THRAP3: variants seen among roughly 807,000 people sequenced by gnomAD.
THRAP3 encodes thyroid hormone receptor associated protein 3.
Under a neutral mutation model 101.0 loss-of-function variants are expected in THRAP3, and 16 were observed. The observed-to-expected ratio is 0.16, with a 90% confidence interval of 0.11 to 0.24. The LOEUF (loss-of-function observed/expected upper bound fraction) is 0.24. Ranked by LOEUF, THRAP3 falls within the 10% of genes least tolerant of loss-of-function variation. The pLI, the probability that THRAP3 is intolerant of heterozygous loss-of-function variation, is 1.00. For synonymous variants in THRAP3, 407 were observed against 422.6 expected, an observed-to-expected ratio of 0.96 and a Z score of 0.45; for missense variants, 989 against 1,202.7, an observed-to-expected ratio of 0.82 and a Z score of 2.63.
At chr1:36,293,388 G>T (rs543568694) in intron 7 of THRAP3, among the ~76,000 whole-genome samples, 2 of 152,296 alleles carry the variant, frequency 1.3e-5, no homozygotes, top group African/African-American at 4.8e-5. Flanking sequence ...TTAATCATGG[G>T]TAGTTGGATT....
chr1:36,244,419 C>T (rs1645206595), intron 1 of THRAP3, among the ~76,000 whole-genome samples: 1 of 152,152 alleles, frequency 6.6e-6, no homozygotes, highest in Non-Finnish European at 1.5e-5. Context: ...TTCATGGATT[C>T]TCCAGCATGA....
chr1:36,271,823 A>C lies in THRAP3; in HGVS notation c.-31-10710A>C, dbSNP rs193159709. Among the ~76,000 whole-genome samples, 944 of 149,664 alleles carry C rather than the reference A, an allele frequency of 6.3e-3. 11 individuals carry two copies. Among genetic ancestry groups the C allele is most frequent in the African/African-American group, 0.022 (895 of 40,516 alleles). ...TGGTCAGGCTGGTCTTGAACTCCCAACCTCAGGTGATCAGCCCGCCTCGGC... is the reference window on the plus strand; with the variant it reads ...TGGTCAGGCTGGTCTTGAACTCCCACCCTCAGGTGATCAGCCCGCCTCGGC... On this transcript the variant is annotated intron_variant, in intron 2 of 11. Transcript: ENST00000354618.
At chr1:36,223,110 T>C (rs1001588278), upstream of THRAP3, among the ~76,000 whole-genome samples, 15 of 151,836 alleles carry the variant, frequency 9.9e-5, no homozygotes, top group African/African-American at 3.4e-4. Context: ...CTGGGCGACA[T>C]AGGGAGAATC....
chr1:36,289,732 C>A lies in THRAP3; in HGVS notation c.1713C>A (p.Val571=). ...FSITREAQVN[V]RMDSFDEDLA... ...TTACTCGAGAGGCACAGGTCAATGT[C>A]CGGATGGACTCTTTTGATGAGGACC... Residue 571 remains valine (V), a synonymous_variant, in exon 5 of 12, where the codon GTC becomes GTA. Coordinates refer to ENST00000354618, the MANE Select transcript of THRAP3 (RefSeq NM_005119.4). The A allele has an allele frequency of 6.2e-7, 1 of 1,612,030 alleles. No homozygotes were observed. Among genetic ancestry groups the A allele is most frequent in the South Asian group, 1.1e-5 (1 of 90,832 alleles).
chr1:36,215,769 G>C, the THRAP3 span, among the ~76,000 whole-genome samples: 28 of 146,736 alleles, frequency 1.9e-4, no homozygotes, highest in Admixed American at 8.1e-4. Context: ...TTTTTTTTGA[G>C]ACAGAGTTTT....
intron 1 of THRAP3, among the ~76,000 whole-genome samples, chr1:36,246,218 T>C (rs1045953732): frequency 6.6e-6 from 1 of 152,126 alleles, no homozygotes; most frequent in African/African-American, 2.4e-5. Flanking sequence ...ATAAACAGTA[T>C]TATATCTGTG....
upstream of THRAP3, among the ~76,000 whole-genome samples, chr1:36,220,847 C>T (rs889469861): frequency 6.0e-5 from 9 of 149,928 alleles, no homozygotes; most frequent in African/African-American, 2.2e-4. Context: ...CTCAGCTACT[C>T]GGGAGACTGA....
At chr1:36,245,357 C>T (rs576512381) in intron 1 of THRAP3, among the ~76,000 whole-genome samples, 6 of 151,886 alleles carry the variant, frequency 4.0e-5, no homozygotes, top group Non-Finnish European at 5.9e-5. Flanking sequence ...TTAGTAGAGA[C>T]GGGGTTTCAC....
rs1317039150 is a variant in THRAP3 at position 36,289,101 on chromosome 1, A to G, written c.1082A>G (p.Glu361Gly). The G allele has an allele frequency of 1.9e-6, 3 of 1,606,758 alleles. No individual in the cohort carries two copies. The highest frequency in any genetic ancestry group is 2.5e-6 in the Non-Finnish European group (3 of 1,178,104). The change falls in exon 5 of 12, where the codon GAA becomes GGA. Residue 361 changes from glutamate to glycine, a missense_variant. Physicochemically the swap from Glu to Gly is moderately conservative, Grantham distance 98. Transcript: ENST00000354618. ...AAGACAGAGAATGGAAAAGATAAGG[A>G]ACAGAAACAAACAAATACCGATAAA... Reference protein sequence around the residue: ...EQKTENGKDKEQKQTNTDKEK... With the variant: ...EQKTENGKDKGQKQTNTDKEK...
chr1:36,280,171 C>T (rs1211328147), intron 2 of THRAP3, among the ~76,000 whole-genome samples: 2 of 152,152 alleles, frequency 1.3e-5, no homozygotes, highest in Admixed American at 6.5e-5. Flanking sequence ...GGCAGTATGA[C>T]CTTGGGCAAG....
chr1:36,254,606 G>A (rs966475989), intron 1 of THRAP3, among the ~76,000 whole-genome samples: 8 of 152,194 alleles, frequency 5.3e-5, no homozygotes, highest in Non-Finnish European at 1.2e-4. Context: ...AGTCCCTGTT[G>A]CAGCTACTCA....
chr1:36,213,977 GAAAGAAAGAAAGAAAGAAAGGAAAGAAA>G, the THRAP3 span, among the ~76,000 whole-genome samples: 3 of 88,352 alleles, frequency 3.4e-5, no homozygotes, highest in African/African-American at 1.8e-4. Context: ...GAGAAAGAAA[GAAAGAAAGAAAGAAAGAAAGGAAAGAAA>G]GAAAGAAAGA....
intron 1 of THRAP3, among the ~76,000 whole-genome samples, chr1:36,229,354 C>T (rs963461903): frequency 2.0e-5 from 3 of 151,194 alleles, no homozygotes; most frequent in African/African-American, 4.9e-5. Context: ...CCTCAGCCTC[C>T]CAAAGTGCTG....
chr1:36,229,270 G>T (rs1457024613), intron 1 of THRAP3, among the ~76,000 whole-genome samples: 2 of 151,756 alleles, frequency 1.3e-5, no homozygotes, highest in Admixed American at 6.6e-5. Context: ...GCTAATTTTT[G>T]TATTTTTAGT....
At chr1:36,287,361 A>G in intron 4 of THRAP3, 91 bp downstream of exon 4, 4 of 1,433,276 alleles carry the variant, frequency 2.8e-6, no homozygotes, top group Non-Finnish European at 3.7e-6. Flanking sequence ...GCTCTGATTA[A>G]TGGTAAAAGG....
chr1:36,234,931 A>G (rs996292160), intron 1 of THRAP3, among the ~76,000 whole-genome samples: 2 of 148,894 alleles, frequency 1.3e-5, no homozygotes, highest in Admixed American at 1.4e-4. Context: ...CTCCTGCCTC[A>G]GCCTCCGGAG....
At chr1:36,297,444 A>ATTTTT (rs764365723) in intron 9 of THRAP3, among the ~76,000 whole-genome samples, 38 of 122,374 alleles carry the variant, frequency 3.1e-4, no homozygotes, top group African/African-American at 9.0e-4. Flanking sequence ...GCTGGCAAGC[A>ATTTTT]TTTTTTTTTT....
At chr1:36,210,492 C>T in the THRAP3 span, among the ~76,000 whole-genome samples, 1 of 148,602 alleles carries the variant, frequency 6.7e-6, no homozygotes, top group Non-Finnish European at 1.5e-5. Flanking sequence ...AGTTCGAGAC[C>T]AGTCTGGCCA....
chr1:36,214,420 C>G, the THRAP3 span, among the ~76,000 whole-genome samples: 1 of 152,198 alleles, frequency 6.6e-6, no homozygotes, highest in South Asian at 2.1e-4. Flanking sequence ...TCCCACTTTT[C>G]TTCATCCCCA....
Sources: allele counts gnomAD v4.1 joint callset (sites outside exome capture counted in the v4.1 genomes callset), GRCh38; gene constraint gnomAD v4.1.1; transcripts MANE v1.5; gene names NCBI Gene and HGNC (gene_info 2026-07-23, HGNC 2026-07-21).